SEMA3D: variants seen among roughly 807,000 people sequenced by gnomAD.
The protein encoded by SEMA3D is semaphorin 3D.
Under a neutral mutation model 100.1 loss-of-function variants are expected in SEMA3D, and 84 were observed. That is an observed-to-expected ratio of 0.84 (90% confidence interval 0.70 to 1.01). The LOEUF (loss-of-function observed/expected upper bound fraction) is 1.01, where lower values mean the gene tolerates loss of function less well. Ranked by LOEUF, SEMA3D falls within the 50% of genes least tolerant of loss-of-function variation. The pLI is 0.00. For synonymous variants in SEMA3D, 312 were observed against 320.7 expected (o/e 0.97, Z 0.29); for missense variants, 875 against 934.1 (o/e 0.94, Z 0.82).
At chr7:85,173,977 A>G (rs1791155907) in intron 1 of SEMA3D, among the ~76,000 whole-genome samples, 1 of 152,196 alleles carries the variant, frequency 6.6e-6, no homozygotes, top group Non-Finnish European at 1.5e-5. Flanking sequence ...GACTGCCTTT[A>G]TAACTGAAAT....
At chr7:85,123,668 T>C (rs1349069097) in intron 2 of SEMA3D, among the ~76,000 whole-genome samples, 4 of 152,082 alleles carry the variant, frequency 2.6e-5, no homozygotes, top group African/African-American at 9.6e-5. Flanking sequence ...TCATGAAATG[T>C]TAAACATGAG....
intron 14 of SEMA3D, 27 bp downstream of exon 14, chr7:85,020,206 C>G: frequency 1.3e-6 from 2 of 1,500,264 alleles, no homozygotes; most frequent in Non-Finnish European, 1.9e-6. Context: ...AACATCTTTT[C>G]TCCTGGCACT....
At chr7:85,002,767 C>T (rs1202179799) in intron 18 of SEMA3D, among the ~76,000 whole-genome samples, 1 of 152,116 alleles carries the variant, frequency 6.6e-6, no homozygotes, top group Non-Finnish European at 1.5e-5. Context: ...GATAATATAA[C>T]TGGCATTATT....
At chr7:85,000,680 C>G (rs1789632410) in intron 18 of SEMA3D, among the ~76,000 whole-genome samples, 1 of 152,252 alleles carries the variant, frequency 6.6e-6, no homozygotes, top group East Asian at 1.9e-4. Context: ...GCACAATGAA[C>G]ACAAAGAACT....
the SEMA3D span, among the ~76,000 whole-genome samples, chr7:85,238,207 T>C: frequency 6.6e-6 from 1 of 152,202 alleles, no homozygotes; most frequent in Non-Finnish European, 1.5e-5. Context: ...TTTCAGTCTA[T>C]GGTAAAGTAC....
the SEMA3D span, among the ~76,000 whole-genome samples, chr7:85,204,831 G>A: frequency 6.6e-6 from 1 of 151,926 alleles, no homozygotes; most frequent in Non-Finnish European, 1.5e-5. Context: ...AATATAGTAA[G>A]AACTCCAACA....
At chr7:85,193,267 G>T in the SEMA3D span, among the ~76,000 whole-genome samples, 2 of 152,074 alleles carry the variant, frequency 1.3e-5, no homozygotes, top group Non-Finnish European at 2.9e-5. Flanking sequence ...GTTAATGGAG[G>T]CTTGGAGTGG....
intron 1 of SEMA3D, among the ~76,000 whole-genome samples, chr7:85,180,492 A>G (rs1020571109): frequency 6.6e-6 from 1 of 152,210 alleles, no homozygotes; most frequent in African/African-American, 2.4e-5. Flanking sequence ...ATGGTTCACT[A>G]TTAGTAAAGT....
At chr7:85,142,229 T>C in intron 2 of SEMA3D, 3 of 980,416 alleles carry the variant, frequency 3.1e-6, no homozygotes, top group African/African-American at 1.7e-5. Flanking sequence ...GTTTGAGATA[T>C]CATCTCTCTA....
intron 6 of SEMA3D, among the ~76,000 whole-genome samples, chr7:85,069,002 G>GA (rs1198886675): frequency 6.6e-6 from 1 of 152,022 alleles, no homozygotes; most frequent in Non-Finnish European, 1.5e-5. Context: ...AACTTTCCAA[G>GA]AAAAAATATG....
At chr7:85,187,372 G>A (rs559180562), upstream of SEMA3D, among the ~76,000 whole-genome samples, 21 of 152,242 alleles carry the variant, frequency 1.4e-4, no homozygotes, top group Non-Finnish European at 2.9e-4. Flanking sequence ...GAAGAAACAG[G>A]GAGAGTGACC....
chr7:85,081,470 T>A, intron 5 of SEMA3D, 47 bp downstream of exon 5: 1 of 1,217,180 alleles, frequency 8.2e-7, no homozygotes, highest in Non-Finnish European at 1.2e-6. Flanking sequence ...TTTGCTATCA[T>A]ATCAGTAGAA....
At chr7:85,177,306 T>TG (rs1235266442) in intron 1 of SEMA3D, among the ~76,000 whole-genome samples, 3 of 152,274 alleles carry the variant, frequency 2.0e-5, no homozygotes, top group African/African-American at 7.2e-5. Context: ...AAAGTTATTT[T>TG]GGGGGGAGGT....
intron 3 of SEMA3D, among the ~76,000 whole-genome samples, chr7:85,109,431 T>A (rs917506695): frequency 2.0e-5 from 3 of 152,010 alleles, no homozygotes; most frequent in Non-Finnish European, 4.4e-5. Flanking sequence ...TTCCGACAGG[T>A]TCACTTCTAT....
In SEMA3D at chr7:85,124,712, G is replaced by A. The variant is rs557113346; in HGVS notation, c.-40-2781C>T. ...TTGTTAAGGACTCCTGAACAGCAAG[G>A]CAGGTTGCATGATAGACTTGGTTAT... On this transcript the variant is annotated intron_variant, in intron 2 of 18. Transcript: ENST00000284136. Among the ~76,000 whole-genome samples the A allele has an allele frequency of 6.6e-5, 10 of 152,190 alleles. No homozygotes were observed. In the South Asian group the frequency reaches 1.9e-3, roughly 28 times the overall value.
intron 4 of SEMA3D, among the ~76,000 whole-genome samples, chr7:85,091,262 A>G (rs1186607314): frequency 1.3e-5 from 2 of 152,090 alleles, no homozygotes; most frequent in African/African-American, 4.8e-5. Flanking sequence ...AAATGCTTGA[A>G]TAATATAGAC....
At chr7:85,196,734 A>G in the SEMA3D span, among the ~76,000 whole-genome samples, 908 of 152,318 alleles carry the variant, frequency 6.0e-3, 5 homozygotes, top group Non-Finnish European at 9.1e-3. Flanking sequence ...AGGATATTCA[A>G]AAGTCCAATA....
At chr7:85,193,786 G>A in the SEMA3D span, among the ~76,000 whole-genome samples, 4 of 151,856 alleles carry the variant, frequency 2.6e-5, no homozygotes, top group African/African-American at 9.7e-5. Flanking sequence ...CCACTACATT[G>A]CTAAAATTTT....
intron 1 of SEMA3D, chr7:85,159,741 G>A: frequency 1.6e-6 from 1 of 636,670 alleles, no homozygotes; most frequent in African/African-American, 2.0e-5. Context: ...TGAGAACACA[G>A]TGACAGAATG....
Sources: allele counts gnomAD v4.1 joint callset (sites outside exome capture counted in the v4.1 genomes callset), GRCh38; gene constraint gnomAD v4.1.1; transcripts MANE v1.5; gene names NCBI Gene and HGNC (gene_info 2026-07-23, HGNC 2026-07-21).